NOS1AP: variants seen among roughly 807,000 people sequenced by gnomAD.
NOS1AP encodes the protein nitric oxide synthase 1 adaptor protein, also known as carboxyl-terminal PDZ ligand of neuronal nitric oxide synthase protein.
Under a neutral mutation model 56.2 loss-of-function variants are expected in NOS1AP, and 21 were observed. The ratio of observed to expected loss-of-function variants is 0.37; its 90% confidence interval spans 0.26 to 0.54. NOS1AP has a LOEUF of 0.54. Among genes scored for constraint, NOS1AP ranks in the 20% least tolerant of loss-of-function variants. The pLI is 0.84. For synonymous variants in NOS1AP, 270 were observed against 274.6 expected (o/e 0.98, Z 0.17); for missense variants, 522 against 657.8 (o/e 0.79, Z 2.26).
At chr1:162,186,104 G>A (rs1054955728) in intron 2 of NOS1AP, among the ~76,000 whole-genome samples, 1 of 152,164 alleles carries the variant, frequency 6.6e-6, no homozygotes, top group African/African-American at 2.4e-5. Context: ...GCATCAAGAT[G>A]GGGTATTCCT....
At chr1:162,261,499 AG>A (rs769033302) in intron 2 of NOS1AP, among the ~76,000 whole-genome samples, 675 of 2,442 alleles carry the variant, frequency 0.28, 286 homozygotes, top group Non-Finnish European at 0.44. Flanking sequence ...AGAGAGAGAG[AG>A]AGAGAGAGAG....
intron 2 of NOS1AP, among the ~76,000 whole-genome samples, chr1:162,285,211 C>T (rs1655051962): frequency 6.6e-6 from 1 of 152,158 alleles, no homozygotes; most frequent in South Asian, 2.1e-4. Flanking sequence ...CTCTTCTGTA[C>T]TCCTTTGGCC....
intron 2 of NOS1AP, among the ~76,000 whole-genome samples, chr1:162,265,805 A>G (rs1654405516): frequency 6.6e-6 from 1 of 152,222 alleles, no homozygotes; most frequent in African/African-American, 2.4e-5. Flanking sequence ...TGTGAGGAAC[A>G]ATAAAACCTT....
intron 1 of NOS1AP, among the ~76,000 whole-genome samples, chr1:162,093,403 T>C (rs969195525): frequency 6.6e-6 from 1 of 152,144 alleles, no homozygotes; most frequent in African/African-American, 2.4e-5. Context: ...CTGTGGACTT[T>C]TTAGAATTAT....
rs574637088 is a variant in NOS1AP at position 162,081,312 on chromosome 1, T to C, written c.105+11030T>C. On this transcript the variant is annotated intron_variant, in intron 1 of 9. Transcript: ENST00000361897. Reference sequence around the variant, plus strand: ...GACCCAGGTCTGCTGTTCTGTGCCATTGGGCAACGGGTCACCTGTAAAGAC... The same window carrying C: ...GACCCAGGTCTGCTGTTCTGTGCCACTGGGCAACGGGTCACCTGTAAAGAC... 7.4e-4 allele frequency among the ~76,000 whole-genome samples: 112 copies of C among 152,256 alleles called. 1 individual carries two copies. Among genetic ancestry groups the C allele is most frequent in the African/African-American group, 2.3e-3 (97 of 41,532 alleles).
rs1051091739 is a variant in NOS1AP, at chr1:162,355,463, A to G, written c.762+110A>G. On this transcript the variant is annotated intron_variant, in intron 7 of 9. Transcript: ENST00000361897. The stretch of plus-strand genomic sequence containing the variant: ...TTCCGAGTGAGGCACTCCATGGCAC[A>G]GTGGCGGTGCCAGAGCGCACTTCAT... 2.2e-6 allele frequency: 3 copies of G among 1,347,290 alleles called. No individual in the cohort carries two copies. The Admixed American group carries it at 5.1e-5, about 23-fold the overall frequency. 83.5% of individuals were successfully genotyped at this position (1,347,290 alleles called of 1,614,324 possible). A position where few individuals can be genotyped will look rare whatever the true frequency, so the allele number is the denominator to read the frequency against.
At chr1:162,133,014 T>C (rs1188607688) in intron 1 of NOS1AP, among the ~76,000 whole-genome samples, 1 of 152,168 alleles carries the variant, frequency 6.6e-6, no homozygotes, top group Non-Finnish European at 1.5e-5. Flanking sequence ...TCTGCATCAG[T>C]GAGGTCCAGT....
chr1:162,349,663 G>A (rs375445008), intron 6 of NOS1AP, among the ~76,000 whole-genome samples: 3 of 152,260 alleles, frequency 2.0e-5, no homozygotes, highest in South Asian at 2.1e-4. Context: ...ACTGTTTATC[G>A]AGTTTTCTAA....
chr1:162,077,184 C>T (rs1053518448), intron 1 of NOS1AP, among the ~76,000 whole-genome samples: 1 of 152,116 alleles, frequency 6.6e-6, no homozygotes, highest in African/African-American at 2.4e-5. Flanking sequence ...CATCGTTTTA[C>T]CTTTCCACCA....
intron 2 of NOS1AP, among the ~76,000 whole-genome samples, chr1:162,240,056 C>T (rs1653435726): frequency 6.6e-6 from 1 of 152,160 alleles, no homozygotes; most frequent in South Asian, 2.1e-4. Context: ...CTTCCTGGCA[C>T]ATTTACCCAC....
intron 1 of NOS1AP, among the ~76,000 whole-genome samples, chr1:162,117,017 T>C (rs1228017598): frequency 6.6e-6 from 1 of 152,174 alleles, no homozygotes; most frequent in African/African-American, 2.4e-5. Flanking sequence ...TTCATTTCAT[T>C]TCTTAAATTT....
rs1454892117 is a variant in NOS1AP, at chr1:162,369,994, C to G, written c.*2527C>G. 1.3e-5 allele frequency: 2 copies of G among 152,456 alleles called. No individual in the cohort carries two copies. Among genetic ancestry groups the G allele is most frequent in the African/African-American group, 4.8e-5 (2 of 41,424 alleles). The allele number at this position is 152,456 out of a possible 1,614,324, so 9.4% of individuals were successfully genotyped here. A position where few individuals can be genotyped will look rare whatever the true frequency, so the allele number is the denominator to read the frequency against. ...TTCTTGCTCTGCTAACTCAACTCTG[C>G]CTTCCTCTTTTTCATTCTTCTACTC... On this transcript the variant is annotated 3_prime_UTR_variant, in exon 10 of 10. Coordinates refer to ENST00000361897, the MANE Select transcript of NOS1AP (RefSeq NM_014697.3).
intron 1 of NOS1AP, among the ~76,000 whole-genome samples, chr1:162,129,431 C>T (rs77487600): frequency 0.022 from 3,318 of 152,260 alleles, 136 homozygotes; most frequent in African/African-American, 0.076. Flanking sequence ...CCCTGCCCTG[C>T]GTCACACAAT....
At chr1:162,228,030 C>A (rs748275041) in intron 2 of NOS1AP, among the ~76,000 whole-genome samples, 8 of 152,092 alleles carry the variant, frequency 5.3e-5, no homozygotes, top group Non-Finnish European at 1.0e-4. Context: ...TTGGAAATAT[C>A]TGAAATGAAA....
At chr1:162,128,549 A>C (rs1211507393) in intron 1 of NOS1AP, among the ~76,000 whole-genome samples, 1 of 152,196 alleles carries the variant, frequency 6.6e-6, no homozygotes, top group Non-Finnish European at 1.5e-5. Flanking sequence ...AATTTTCTTC[A>C]TCATTATTCA....
At chr1:162,285,478 T>C (rs919602423) in intron 2 of NOS1AP, among the ~76,000 whole-genome samples, 4 of 152,186 alleles carry the variant, frequency 2.6e-5, no homozygotes, top group African/African-American at 7.2e-5. Flanking sequence ...CAATGCAAAC[T>C]GGAGCCATGT....
rs554252428 is a variant in NOS1AP, at chr1:162,089,122, A to G, written c.105+18840A>G. Among the ~76,000 whole-genome samples the G allele has an allele frequency of 7.9e-5, 12 of 152,256 alleles. No homozygotes were observed. The South Asian group carries it at 2.5e-3, about 32-fold the overall frequency. On this transcript the variant is annotated intron_variant, in intron 1 of 9. Transcript: ENST00000361897. ...GATGCTAATTTTTATTGAGTTGGCC[A>G]TTGTCTGTAGGTCTTTTTTGGTGAA...
Position 162,176,505 on chromosome 1 carries a change from CTTTTTTTTTTTT to C in NOS1AP, c.177+22040_177+22051del, listed in dbSNP as rs34280743. ...CATATCTTTTTGTGGCATAATAGCT[CTTTTTTTTTTTT>C]TTTTTTTTTTGAGATGGAGTGTTGC... On this transcript the variant is annotated intron_variant, in intron 2 of 9. Transcript: ENST00000361897. Among the ~76,000 whole-genome samples the C allele has an allele frequency of 4.1e-4, 36 of 87,472 alleles. 1 individual carries two copies. The highest frequency in any genetic ancestry group is 6.0e-5 in the Non-Finnish European group (3 of 50,288). 57.4% of individuals were successfully genotyped at this position (87,472 alleles called of 152,430 possible).
intron 1 of NOS1AP, among the ~76,000 whole-genome samples, chr1:162,092,264 G>C (rs994663917): frequency 6.6e-6 from 1 of 152,128 alleles, no homozygotes; most frequent in Non-Finnish European, 1.5e-5. Context: ...CAGTGTTTCA[G>C]CTAGTGGATT....
Sources: gnomAD v4.1 joint callset for allele counts (sites outside exome capture counted in the v4.1 genomes callset) on GRCh38, gnomAD v4.1.1 for gene constraint, MANE v1.5 for transcripts, NCBI Gene and HGNC (gene_info 2026-07-23, HGNC 2026-07-21) for gene names.